Variants in PVT1 observed in about 807,000 individuals in gnomAD.
PVT1 encodes CXCR4/PVT1 fusion.
At chr8:128,027,399 G>A (rs929947163) in intron 4 of PVT1, among the ~76,000 whole-genome samples, 2 of 152,198 alleles carry the variant, frequency 1.3e-5, no homozygotes, top group African/African-American at 4.8e-5. Context: ...GCAGTCAGAA[G>A]GGAACTTGGG....
intron 2 of PVT1, among the ~76,000 whole-genome samples, chr8:127,823,326 GAGA>G (rs1241767940): frequency 6.6e-6 from 1 of 152,198 alleles, no homozygotes; most frequent in African/African-American, 2.4e-5. Context: ...CCATATCAAA[GAGA>G]AGGATAGGAG....
intron 2 of PVT1, among the ~76,000 whole-genome samples, chr8:127,850,327 A>G (rs1389278002): frequency 6.6e-6 from 1 of 152,158 alleles, no homozygotes; most frequent in Admixed American, 6.5e-5. Context: ...ATTTTGGAAA[A>G]GATTTGTAAT....
chr8:128,003,185 G>T (rs1432095070), intron 4 of PVT1, among the ~76,000 whole-genome samples: 1 of 130,120 alleles, frequency 7.7e-6, no homozygotes, highest in Non-Finnish European at 1.6e-5. Flanking sequence ...GTAGAGACAG[G>T]ATTTCACTGT....
chr8:127,876,249 C>T (rs1304264208), intron 2 of PVT1, among the ~76,000 whole-genome samples: 1 of 108,356 alleles, frequency 9.2e-6, no homozygotes, highest in Non-Finnish European at 1.8e-5. Context: ...ACGCCCCAAA[C>T]AGCAGTGTGT....
intron 2 of PVT1, among the ~76,000 whole-genome samples, chr8:127,820,558 C>T (rs1381217055): frequency 6.6e-6 from 1 of 152,208 alleles, no homozygotes; most frequent in South Asian, 2.1e-4. Flanking sequence ...GAAGGAGGTA[C>T]ACATTTCCTA....
At chr8:127,826,755 T>C (rs1437500469) in intron 2 of PVT1, among the ~76,000 whole-genome samples, 2 of 152,224 alleles carry the variant, frequency 1.3e-5, no homozygotes, top group Non-Finnish European at 2.9e-5. Flanking sequence ...TGTATGACTT[T>C]TTTACAGTCC....
chr8:127,818,405 C>T (rs1400940241), intron 2 of PVT1, among the ~76,000 whole-genome samples: 1 of 152,192 alleles, frequency 6.6e-6, no homozygotes, highest in Admixed American at 6.5e-5. Flanking sequence ...ATTCCATCCA[C>T]ACTTGAGGCC....
chr8:127,968,089 G>T (rs1816722778), intron 3 of PVT1, among the ~76,000 whole-genome samples: 1 of 152,334 alleles, frequency 6.6e-6, no homozygotes, highest in Middle Eastern at 3.4e-3. Flanking sequence ...TGGAAGGTCT[G>T]CCTGGCTGAC....
chr8:127,986,439 G>A (rs115164560), intron 3 of PVT1, among the ~76,000 whole-genome samples: 3,515 of 152,282 alleles, frequency 0.023, 152 homozygotes, highest in African/African-American at 0.082. Context: ...GCCACATCAG[G>A]TGCAGGGACC....
intron 4 of PVT1, among the ~76,000 whole-genome samples, chr8:127,990,173 G>A (rs10956401): frequency 0.31 from 47,651 of 151,950 alleles, 8,601 homozygotes; most frequent in Admixed American, 0.52. Context: ...GTTGTGCCCA[G>A]CCCCTTACCC....
chr8:127,834,042 C>T (rs1038893556), intron 2 of PVT1, among the ~76,000 whole-genome samples: 10 of 152,090 alleles, frequency 6.6e-5, no homozygotes, highest in South Asian at 2.1e-4. Flanking sequence ...AACCATTGTT[C>T]CTCCCTGCCC....
chr8:127,845,508 G>A (rs149078449), intron 2 of PVT1, among the ~76,000 whole-genome samples: 154 of 151,220 alleles, frequency 1.0e-3, no homozygotes, highest in African/African-American at 3.7e-3. Context: ...TAGACCCATC[G>A]TACGCTGAAA....
chr8:127,999,764 C>T (rs1383455390), intron 4 of PVT1, among the ~76,000 whole-genome samples: 1 of 152,234 alleles, frequency 6.6e-6, no homozygotes, highest in Non-Finnish European at 1.5e-5. Context: ...GCCCGGCCCC[C>T]ATCCACTTTT....
At chr8:127,903,386 G>A (rs1329969793) in intron 3 of PVT1, among the ~76,000 whole-genome samples, 1 of 152,158 alleles carries the variant, frequency 6.6e-6, no homozygotes, top group East Asian at 1.9e-4. Flanking sequence ...TAGCTTGTCT[G>A]TGTACTCCCT....
intron 3 of PVT1, among the ~76,000 whole-genome samples, chr8:127,917,174 T>C (rs1815995448): frequency 6.6e-6 from 1 of 152,146 alleles, no homozygotes; most frequent in African/African-American, 2.4e-5. Flanking sequence ...TCTTCCCCTT[T>C]CTGCCTGCGC....
intron 2 of PVT1, among the ~76,000 whole-genome samples, chr8:127,888,175 C>T (rs1181652977): frequency 1.3e-5 from 2 of 150,788 alleles, no homozygotes; most frequent in Non-Finnish European, 3.0e-5. Flanking sequence ...CTCCTGACCT[C>T]GTGATCCACC....
At chr8:127,984,867 T>C (rs949892613) in intron 3 of PVT1, among the ~76,000 whole-genome samples, 2 of 73,036 alleles carry the variant, frequency 2.7e-5, no homozygotes, top group African/African-American at 9.4e-5. Context: ...CTTTCTTTCT[T>C]TCTTTCTTTC....
intron 3 of PVT1, among the ~76,000 whole-genome samples, chr8:127,973,394 G>GAAA (rs1816786156): frequency 6.6e-6 from 1 of 152,180 alleles, no homozygotes; most frequent in Non-Finnish European, 1.5e-5. Flanking sequence ...GGAAAGTTCT[G>GAAA]AAATGTCCCC....
intron 2 of PVT1, among the ~76,000 whole-genome samples, chr8:127,822,023 C>T (rs4733787): frequency 0.68 from 103,417 of 152,016 alleles, 36,585 homozygotes; most frequent in African/African-American, 0.87. Context: ...GTGGTATTGA[C>T]TAAATTGTTT....
Sources: gnomAD v4.1 joint callset for allele counts (sites outside exome capture counted in the v4.1 genomes callset) on GRCh38, gnomAD v4.1.1 for gene constraint, MANE v1.5 for transcripts, NCBI Gene and HGNC (gene_info 2026-07-23, HGNC 2026-07-21) for gene names.